CFAP96: variants seen among roughly 807,000 people sequenced by gnomAD.
The protein encoded by CFAP96 is cilia-and flagella-associated protein 96.
the CFAP96 span, among the ~76,000 whole-genome samples, chr4:185,410,171 A>C: frequency 6.6e-6 from 1 of 152,242 alleles, no homozygotes; most frequent in Non-Finnish European, 1.5e-5. Context: ...AGCAAAAAAG[A>C]AAAATAAATT....
chr4:185,449,769 A>G, the CFAP96 span: 1 of 551,286 alleles, frequency 1.8e-6, no homozygotes, highest in Non-Finnish European at 3.2e-6. Context: ...AAATTCTGCA[A>G]CTCTAATTCT....
chr4:185,445,967 G>A, the CFAP96 span, among the ~76,000 whole-genome samples: 1 of 151,968 alleles, frequency 6.6e-6, no homozygotes, highest in Non-Finnish European at 1.5e-5. Flanking sequence ...TCAGCCTCCC[G>A]AGTAGCTGGG....
At chr4:185,444,865 A>G in the CFAP96 span, 23 of 1,155,664 alleles carry the variant, frequency 2.0e-5, no homozygotes, top group South Asian at 3.2e-5. Flanking sequence ...TTTAAAACCA[A>G]CTCCACAGAC....
chr4:185,411,095 T>C, the CFAP96 span, among the ~76,000 whole-genome samples: 1 of 145,848 alleles, frequency 6.9e-6, no homozygotes, highest in Non-Finnish European at 1.5e-5. Flanking sequence ...GAAGTTATAA[T>C]AGAGGGGGCC....
the CFAP96 span, chr4:185,445,567 T>C: frequency 2.1e-6 from 3 of 1,427,112 alleles, no homozygotes. Flanking sequence ...AATATTCTGG[T>C]TAATTAAAAA....
At chr4:185,427,250 A>G in the CFAP96 span, among the ~76,000 whole-genome samples, 39 of 152,288 alleles carry the variant, frequency 2.6e-4, no homozygotes, top group Non-Finnish European at 5.3e-4. Context: ...ATATAAGGTA[A>G]ATGAAAGTAC....
chr4:185,449,470 C>G, the CFAP96 span: 1 of 556,640 alleles, frequency 1.8e-6, no homozygotes, highest in Non-Finnish European at 3.1e-6. Context: ...TTGCAGTGAA[C>G]TGTGATTGCA....
At chr4:185,444,913 T>G in the CFAP96 span, 1 of 1,501,768 alleles carries the variant, frequency 6.7e-7, no homozygotes, top group African/African-American at 1.4e-5. Context: ...AAGCTAATTT[T>G]GTAGAGGCAT....
chr4:185,415,115 T>A, the CFAP96 span: 1 of 1,456,762 alleles, frequency 6.9e-7, no homozygotes, highest in Non-Finnish European at 9.3e-7. Flanking sequence ...TGAATGATAG[T>A]CATTATTGTT....
the CFAP96 span, chr4:185,432,048 A>T: frequency 6.4e-6 from 10 of 1,551,586 alleles, no homozygotes; most frequent in Admixed American, 9.8e-5. Context: ...GAAATGTCAG[A>T]TCTTCAGGCA....
chr4:185,428,962 C>T, the CFAP96 span, among the ~76,000 whole-genome samples: 2 of 152,144 alleles, frequency 1.3e-5, no homozygotes, highest in Non-Finnish European at 2.9e-5. Flanking sequence ...GTAAAAATGT[C>T]TGCCTTATAT....
the CFAP96 span, chr4:185,429,587 CAA>C: frequency 1.7e-5 from 14 of 831,916 alleles, no homozygotes; most frequent in Admixed American, 2.4e-4. Context: ...ATATTTAAGT[CAA>C]ATGATTTTTT....
chr4:185,425,893 G>T, the CFAP96 span: 3 of 1,595,996 alleles, frequency 1.9e-6, no homozygotes, highest in Admixed American at 3.5e-5. Context: ...GGTGACACGG[G>T]CGCTGACGCC....
the CFAP96 span, chr4:185,415,654 G>C: frequency 6.8e-7 from 1 of 1,467,764 alleles, no homozygotes; most frequent in South Asian, 1.3e-5. Context: ...ATACAAACAT[G>C]GGTTTGGGGA....
the CFAP96 span, among the ~76,000 whole-genome samples, chr4:185,409,899 C>T: frequency 1.3e-5 from 2 of 151,974 alleles, no homozygotes; most frequent in Non-Finnish European, 2.9e-5. Flanking sequence ...TGCTGGCAGC[C>T]ATCAGATTAA....
chr4:185,408,864 A>G, the CFAP96 span, among the ~76,000 whole-genome samples: 1 of 152,086 alleles, frequency 6.6e-6, no homozygotes, highest in South Asian at 2.1e-4. Flanking sequence ...CAGTCTACAA[A>G]CGGCCCACTC....
At chr4:185,427,959 G>A in the CFAP96 span, among the ~76,000 whole-genome samples, 29 of 150,984 alleles carry the variant, frequency 1.9e-4, 1 homozygote, top group African/African-American at 6.3e-4. Context: ...GGTGGCAGAC[G>A]CCTGTAATCC....
chr4:185,447,640 G>C, the CFAP96 span, among the ~76,000 whole-genome samples: 1 of 149,682 alleles, frequency 6.7e-6, no homozygotes, highest in Non-Finnish European at 1.5e-5. Context: ...TATGACATCT[G>C]TATTAAGCCA....
chr4:185,438,083 C>T, the CFAP96 span, among the ~76,000 whole-genome samples: 1 of 151,362 alleles, frequency 6.6e-6, no homozygotes, highest in Non-Finnish European at 1.5e-5. Context: ...CCTTCTTGTG[C>T]TTGAGGTTTA....
Sources: allele counts gnomAD v4.1 joint callset (sites outside exome capture counted in the v4.1 genomes callset), GRCh38; gene constraint gnomAD v4.1.1; transcripts MANE v1.5; gene names NCBI Gene and HGNC (gene_info 2026-07-23, HGNC 2026-07-21).